PHF20: variants seen among roughly 807,000 people sequenced by gnomAD.
The protein encoded by PHF20 is glioma-expressed antigen 2.
Under a neutral mutation model 113.5 loss-of-function variants are expected in PHF20, and 23 were observed. The observed-to-expected ratio is 0.20, with a 90% CI of 0.15 to 0.29. The LOEUF (loss-of-function observed/expected upper bound fraction) is 0.29, where lower values mean the gene tolerates loss of function less well. Ranked by LOEUF, PHF20 falls within the 10% of genes least tolerant of loss-of-function variation. The probability of loss-of-function intolerance (pLI) is 1.00; values close to 1 mark genes in which losing one functional copy is unlikely to be tolerated. For synonymous variants in PHF20, 434 were observed against 457.3 expected (o/e 0.95, Z 0.65); for missense variants, 943 against 1,219.6 (o/e 0.77, Z 3.38).
intron 9 of PHF20, among the ~76,000 whole-genome samples, chr20:35,881,048 CTTT>C (rs773060725): frequency 2.7e-5 from 3 of 109,754 alleles, no homozygotes; most frequent in African/African-American, 1.2e-4. Context: ...CTCTAAATAC[CTTT>C]TTTTTTTTTT....
chr20:35,784,433 C>CTTTT lies in PHF20; in HGVS notation c.-33+12372_-33+12375dup, dbSNP rs35002007. On this transcript the variant is annotated intron_variant, in intron 1 of 17. Transcript: ENST00000374012. ...TTTTAATGTTGAAATATCCCAAAGA[C>CTTTT]TTTTTTTTTTTTTTTTTTTTTGAGA... Among the ~76,000 whole-genome samples, 131 of 110,506 alleles carry CTTTT rather than the reference C, an allele frequency of 1.2e-3. 3 individuals carry two copies. Among genetic ancestry groups the CTTTT allele is most frequent in the Non-Finnish European group, 1.9e-3 (107 of 57,644 alleles). The allele number at this position is 110,506 out of a possible 152,430, so 72.5% of individuals were successfully genotyped here.
chr20:35,891,355 C>T (rs12479546), intron 9 of PHF20, among the ~76,000 whole-genome samples: 14,567 of 141,034 alleles, frequency 0.1, 762 homozygotes, highest in Middle Eastern at 0.17. Flanking sequence ...CCAGCCTGGG[C>T]GACAGAGAGA....
Position 35,863,031 on chromosome 20 carries a change from A to T in PHF20, c.439A>T (p.Arg147Trp). ...SKDQNIVGNA[R>W]PKETDHKSLS... ...ATTTTAGAATATTGTGGGTAATGCTAGGCCTAAAGAAACAGATCACAAAAG... is the reference window on the plus strand; with the variant it reads ...ATTTTAGAATATTGTGGGTAATGCTTGGCCTAAAGAAACAGATCACAAAAG... The change falls in exon 6 of 18, where the codon AGG (arginine) becomes TGG (tryptophan). Residue 147 changes from arginine to tryptophan, a missense_variant. Arg to Trp is a moderately radical substitution (Grantham distance 101, BLOSUM62 -3). Around this residue, in one of 3 missense-constraint regions of PHF20, gnomAD observed 592 missense variants for 787.2 expected, o/e 0.75. Transcript: ENST00000374012. 6 of 1,586,482 alleles carry T rather than the reference A, an allele frequency of 3.8e-6. No homozygotes were observed. Among genetic ancestry groups the T allele is most frequent in the Middle Eastern group, 1.8e-4 (1 of 5,600 alleles).
rs1278063655 is a variant in PHF20 at position 35,917,493 on chromosome 20, AT to A, written c.1838del (p.Leu613Ter). On this transcript the variant is annotated frameshift_variant, in exon 13 of 18. Transcript: ENST00000374012. LOFTEE classifies it high-confidence loss of function. The stretch of plus-strand genomic sequence containing the variant: ...TTCCCTTTCCTCGTAGAGGAGGATA[AT>A]TTGAGTGAGTCCTCTTCTGAGAGCT... ...KGKVKALEED[N>X]LSESSSESFL... 1 of 1,613,544 alleles carries A rather than the reference AT, an allele frequency of 6.2e-7. No individual in the cohort carries two copies. The highest frequency in any genetic ancestry group is 1.7e-5 in the Admixed American group (1 of 59,972).
chr20:35,880,820 C>T (rs568788626), intron 9 of PHF20, among the ~76,000 whole-genome samples: 35 of 151,866 alleles, frequency 2.3e-4, no homozygotes, highest in African/African-American at 6.5e-4. Flanking sequence ...ATTAGTCAGG[C>T]GTGATGGCAC....
chr20:35,931,486 A>G (rs1402463889), intron 15 of PHF20, 42 bp downstream of exon 15: 3 of 1,522,576 alleles, frequency 2.0e-6, no homozygotes, highest in Non-Finnish European at 2.7e-6. Flanking sequence ...TCTGTTTGGC[A>G]TGGTCTGGGG....
At chr20:35,856,817 C>T (rs577523304) in intron 4 of PHF20, among the ~76,000 whole-genome samples, 4 of 152,274 alleles carry the variant, frequency 2.6e-5, no homozygotes, top group South Asian at 2.1e-4. Context: ...TTAGAAGTGT[C>T]GCTGGCAGTT....
intron 3 of PHF20, among the ~76,000 whole-genome samples, chr20:35,843,351 C>T (rs1234787014): frequency 6.6e-6 from 1 of 151,124 alleles, no homozygotes; most frequent in East Asian, 2.0e-4. Flanking sequence ...AACCCCACCT[C>T]TACTAAAAAT....
chr20:35,836,006 A>C (rs1486557058), intron 2 of PHF20, among the ~76,000 whole-genome samples: 1 of 151,642 alleles, frequency 6.6e-6, no homozygotes, highest in Admixed American at 6.6e-5. Flanking sequence ...AAATTCTAAA[A>C]ATTTATTATT....
At chr20:35,871,156 T>C in intron 8 of PHF20, 22 bp downstream of exon 8, 1 of 1,584,144 alleles carries the variant, frequency 6.3e-7, no homozygotes, top group Non-Finnish European at 8.6e-7. Context: ...TGTTCAGGAA[T>C]TGTCTTGCCA....
At chr20:35,941,280 C>G (rs967964555) in intron 17 of PHF20, among the ~76,000 whole-genome samples, 3 of 152,204 alleles carry the variant, frequency 2.0e-5, no homozygotes, top group Non-Finnish European at 4.4e-5. Context: ...TGTCTGATCC[C>G]TTCTGTAAAG....
rs144401422 is a variant in PHF20, at chr20:35,835,582, C to G, written c.84-6991C>G. Among the ~76,000 whole-genome samples the G allele has an allele frequency of 3.3e-5, 5 of 152,272 alleles. No individual in the cohort carries two copies. In the East Asian group the frequency reaches 9.6e-4, roughly 29 times the overall value. The stretch of plus-strand genomic sequence containing the variant: ...TGCATGAAACCAAATATGATTTATT[C>G]TAGCAGAGTAATGATAACTTAAATT... On this transcript the variant is annotated intron_variant, in intron 2 of 17. Transcript: ENST00000374012.
chr20:35,855,956 GGCGTGAGCCATCACA>G lies in PHF20; in HGVS notation c.341-2345_341-2331del, dbSNP rs555844516. 9.6e-3 allele frequency among the ~76,000 whole-genome samples: 1,460 copies of G among 152,244 alleles called. 17 individuals are homozygous for G. Among genetic ancestry groups the G allele is most frequent in the African/African-American group, 0.033 (1,353 of 41,532 alleles). ...GGTCTCCCAAAGTGCTGGGATTACA[GGCGTGAGCCATCACA>G]CCTGGCCAAGTTATTTTAAAATGTA... On this transcript the variant is annotated intron_variant, in intron 4 of 17. Coordinates refer to ENST00000374012, the MANE Select transcript of PHF20 (RefSeq NM_016436.5).
chr20:35,933,446 G>A (rs1305500598), intron 15 of PHF20, among the ~76,000 whole-genome samples: 2 of 151,782 alleles, frequency 1.3e-5, no homozygotes, highest in Admixed American at 1.3e-4. Flanking sequence ...ACCCAGGCTG[G>A]AGTCCAGTGG....
chr20:35,805,864 C>CT (rs200002564), intron 2 of PHF20, among the ~76,000 whole-genome samples: 94 of 146,220 alleles, frequency 6.4e-4, no homozygotes, highest in East Asian at 1.8e-3. Flanking sequence ...TTTTTCAGTT[C>CT]TTTTTTTTTT....
chr20:35,792,514 C>T (rs981844008), intron 1 of PHF20, among the ~76,000 whole-genome samples: 3 of 151,268 alleles, frequency 2.0e-5, no homozygotes, highest in Non-Finnish European at 1.5e-5. Context: ...TTCTTGCCTG[C>T]CCTTCCTTCC....
intron 1 of PHF20, among the ~76,000 whole-genome samples, chr20:35,778,159 C>T (rs576211039): frequency 1.3e-5 from 2 of 152,226 alleles, no homozygotes; most frequent in African/African-American, 4.8e-5. Context: ...TCTTGGCTTA[C>T]TGCAACCTGT....
intron 9 of PHF20, among the ~76,000 whole-genome samples, chr20:35,884,024 G>A (rs2054681095): frequency 6.6e-6 from 1 of 152,160 alleles, no homozygotes; most frequent in South Asian, 2.1e-4. Context: ...TGTGGAAAAT[G>A]TCTTGATCTG....
chr20:35,904,761 T>A (rs1016480595), intron 10 of PHF20, among the ~76,000 whole-genome samples: 1 of 46,098 alleles, frequency 2.2e-5, no homozygotes. Flanking sequence ...AGATCTGATT[T>A]CTTTTCTCCT....
Sources: allele counts gnomAD v4.1 joint callset (sites outside exome capture counted in the v4.1 genomes callset), GRCh38; gene constraint gnomAD v4.1.1; regional missense constraint gnomAD v4.1.1; transcripts MANE v1.5; gene names NCBI Gene and HGNC (gene_info 2026-07-23, HGNC 2026-07-21).